MSI2: variants seen among roughly 807,000 people sequenced by gnomAD.
The protein encoded by MSI2 is RNA-binding protein Musashi homolog 2.
In MSI2, 17 loss-of-function variants were observed where a neutral mutation model predicts 45.6. The ratio of observed to expected loss-of-function variants is 0.37; its 90% CI spans 0.26 to 0.56. MSI2 has a LOEUF of 0.56. Among genes scored for constraint, MSI2 ranks in the 20% least tolerant of loss-of-function variants. The probability of loss-of-function intolerance (pLI) is 0.77; values close to 1 mark genes in which losing one functional copy is unlikely to be tolerated. For missense variants in MSI2, 293 were observed against 444.2 expected, an observed-to-expected ratio of 0.66 and a Z score of 3.06; for synonymous variants, 156 against 158.2, an observed-to-expected ratio of 0.99 and a Z score of 0.11.
At chr17:57,273,851 C>T (rs1908622718) in intron 5 of MSI2, among the ~76,000 whole-genome samples, 1 of 152,214 alleles carries the variant, frequency 6.6e-6, no homozygotes, top group Admixed American at 6.5e-5. Flanking sequence ...CCCTGGGCAT[C>T]CCAAGAGAAG....
chr17:57,622,154 A>G (rs112514390), intron 9 of MSI2, among the ~76,000 whole-genome samples: 9,899 of 152,260 alleles, frequency 0.065, 1,037 homozygotes, highest in African/African-American at 0.22. Context: ...CCAAGATCAC[A>G]CCACTGCACT....
intron 7 of MSI2, among the ~76,000 whole-genome samples, chr17:57,555,248 CA>C (rs1214505820): frequency 6.6e-6 from 1 of 151,764 alleles, no homozygotes; most frequent in Non-Finnish European, 1.5e-5. Context: ...CACCCACCGC[CA>C]TGCTCTGTTT....
chr17:57,549,312 C>CT (rs33917812), intron 7 of MSI2, among the ~76,000 whole-genome samples: 7,242 of 124,194 alleles, frequency 0.058, 473 homozygotes, highest in African/African-American at 0.14. Context: ...CCCCACTGCC[C>CT]TTTTTTTTTT....
intron 10 of MSI2, chr17:57,632,767 T>C: frequency 3.8e-6 from 4 of 1,065,990 alleles, no homozygotes; most frequent in Non-Finnish European, 4.5e-6. Flanking sequence ...TTGTCTGTGC[T>C]GGTAGTTTGT....
rs368885880 is a variant in MSI2 at position 57,675,060 on chromosome 17, C to G, written c.879C>G (p.Ser293=). ...TCTACGGCCCTGCCAGCCAGGACTCCGGAGTGGGGAATTACATAAGTGCGG... is the reference window on the plus strand; with the variant it reads ...TCTACGGCCCTGCCAGCCAGGACTCGGGAGTGGGGAATTACATAAGTGCGG... ...ADLYGPASQD[S]GVGNYISAAS... Residue 293 remains serine, a synonymous_variant, in exon 12 of 14, where the codon TCC becomes TCG. Coordinates refer to ENST00000284073, the MANE Select transcript of MSI2 (RefSeq NM_138962.4). 1 of 1,614,106 alleles carries G rather than the reference C, an allele frequency of 6.2e-7. No individual in the cohort carries two copies. Among genetic ancestry groups the G allele is most frequent in the Non-Finnish European group, 8.5e-7 (1 of 1,180,026 alleles).
intron 5 of MSI2, among the ~76,000 whole-genome samples, chr17:57,307,169 G>A (rs1911991547): frequency 6.6e-6 from 1 of 152,138 alleles, no homozygotes; most frequent in African/African-American, 2.4e-5. Flanking sequence ...ATGTCCACTT[G>A]GTTAGGCCTA....
intron 6 of MSI2, among the ~76,000 whole-genome samples, chr17:57,489,415 G>A (rs928086029): frequency 1.3e-5 from 2 of 152,334 alleles, no homozygotes; most frequent in South Asian, 2.1e-4. Context: ...AGGAAGGGAG[G>A]GAGACACTGA....
chr17:57,283,813 G>T (rs1251746190), intron 5 of MSI2, among the ~76,000 whole-genome samples: 1 of 152,202 alleles, frequency 6.6e-6, no homozygotes, highest in Admixed American at 6.5e-5. Context: ...GTTCAGGTGG[G>T]GCCTGCCGGG....
chr17:57,697,324 A>G, the MSI2 span, among the ~76,000 whole-genome samples: 1 of 150,136 alleles, frequency 6.7e-6, no homozygotes, highest in Non-Finnish European at 1.5e-5. Context: ...CACTCACTTT[A>G]CTCACACTCA....
chr17:57,634,474 A>AAG (rs911390488), intron 10 of MSI2, among the ~76,000 whole-genome samples: 6 of 147,218 alleles, frequency 4.1e-5, no homozygotes, highest in African/African-American at 1.0e-4. Flanking sequence ...TCAAAAAAAA[A>AAG]AGAGAGAGAG....
chr17:57,299,679 C>T (rs1911272714), intron 5 of MSI2, among the ~76,000 whole-genome samples: 1 of 152,064 alleles, frequency 6.6e-6, no homozygotes, highest in Non-Finnish European at 1.5e-5. Flanking sequence ...AAAACAGTTA[C>T]ATCAAAGATC....
chr17:57,275,039 A>G (rs970456425), intron 5 of MSI2, among the ~76,000 whole-genome samples: 3 of 152,230 alleles, frequency 2.0e-5, no homozygotes, highest in Non-Finnish European at 2.9e-5. Context: ...AAAGATACAA[A>G]GTGTTCTGTT....
At chr17:57,584,049 C>G (rs2088278177) in intron 7 of MSI2, among the ~76,000 whole-genome samples, 1 of 152,148 alleles carries the variant, frequency 6.6e-6, no homozygotes, top group African/African-American at 2.4e-5. Flanking sequence ...CAACCAGCTC[C>G]CTGGTGGTGT....
intron 5 of MSI2, among the ~76,000 whole-genome samples, chr17:57,276,039 C>T (rs1252703754): frequency 6.6e-6 from 1 of 152,108 alleles, no homozygotes; most frequent in Non-Finnish European, 1.5e-5. Flanking sequence ...TTAGCACAGT[C>T]TTGGACCAGT....
At chr17:57,502,527 G>A (rs1453923819) in intron 6 of MSI2, among the ~76,000 whole-genome samples, 1 of 147,510 alleles carries the variant, frequency 6.8e-6, no homozygotes, top group East Asian at 2.0e-4. Flanking sequence ...CAGTAATTGT[G>A]TAATAAGAAT....
chr17:57,674,570 C>T (rs1172197391), intron 11 of MSI2, among the ~76,000 whole-genome samples: 1 of 151,898 alleles, frequency 6.6e-6, no homozygotes, highest in East Asian at 1.9e-4. Context: ...ATCTAGAAGA[C>T]TGCATGAGCA....
chr17:57,272,534 C>T (rs1048078691), intron 5 of MSI2, among the ~76,000 whole-genome samples: 1 of 152,172 alleles, frequency 6.6e-6, no homozygotes, highest in African/African-American at 2.4e-5. Context: ...CATAATTAAA[C>T]ATGGCAACAA....
At chr17:57,354,163 A>G (rs1916249768) in intron 5 of MSI2, among the ~76,000 whole-genome samples, 1 of 152,230 alleles carries the variant, frequency 6.6e-6, no homozygotes, top group African/African-American at 2.4e-5. Context: ...GTTTGTCAGT[A>G]AAAACCATTC....
At chr17:57,308,641 A>G (rs1912118059) in intron 5 of MSI2, among the ~76,000 whole-genome samples, 2 of 152,110 alleles carry the variant, frequency 1.3e-5, no homozygotes, top group South Asian at 4.2e-4. Flanking sequence ...CTTCCCTACC[A>G]CAGGTGAGCC....
Sources: allele counts gnomAD v4.1 joint callset (sites outside exome capture counted in the v4.1 genomes callset), GRCh38; gene constraint gnomAD v4.1.1; transcripts MANE v1.5; gene names NCBI Gene and HGNC (gene_info 2026-07-23, HGNC 2026-07-21).